UBE2K: variants seen among roughly 807,000 people sequenced by gnomAD.
UBE2K encodes the protein ubiquitin-conjugating enzyme E2 K.
In UBE2K, 6 loss-of-function variants were observed where a neutral mutation model predicts 30.0. The ratio of observed to expected loss-of-function variants is 0.20; its 90% confidence interval spans 0.11 to 0.39. UBE2K has a LOEUF of 0.39. Among genes scored for constraint, UBE2K ranks in the 10% least tolerant of loss-of-function variants. The probability of loss-of-function intolerance (pLI) is 1.00; values close to 1 mark genes in which losing one functional copy is unlikely to be tolerated. For synonymous variants in UBE2K, 86 were observed against 83.7 expected (o/e 1.03, Z -0.15); for missense variants, 61 against 241.6 (o/e 0.25, Z 4.96).
At chr4:39,771,334 A>T (rs1219323644) in intron 4 of UBE2K, 1 of 1,612,470 alleles carries the variant, frequency 6.2e-7, no homozygotes, top group East Asian at 2.2e-5. Flanking sequence ...CACAATGGTC[A>T]CGTCGCAGAA....
chr4:39,727,668 G>C (rs915574399), intron 1 of UBE2K, among the ~76,000 whole-genome samples: 1 of 151,932 alleles, frequency 6.6e-6, no homozygotes, highest in Non-Finnish European at 1.5e-5. Flanking sequence ...CCAAAGAGCT[G>C]GGATTACAGG....
At chr4:39,757,831 A>G (rs904717097) in intron 4 of UBE2K, among the ~76,000 whole-genome samples, 5 of 152,134 alleles carry the variant, frequency 3.3e-5, no homozygotes, top group East Asian at 3.9e-4. Context: ...TCCCTTTCCT[A>G]TGCTCACTCC....
chr4:39,712,894 C>T (rs895820640), intron 1 of UBE2K, among the ~76,000 whole-genome samples: 1 of 146,286 alleles, frequency 6.8e-6, no homozygotes, highest in Non-Finnish European at 1.5e-5. Context: ...GAGACGGAGT[C>T]TCGCTTTGTC....
At chr4:39,700,509 C>G (rs781774280) in intron 1 of UBE2K, among the ~76,000 whole-genome samples, 18 of 152,152 alleles carry the variant, frequency 1.2e-4, no homozygotes, top group Non-Finnish European at 2.2e-4. Context: ...TAAATATAAC[C>G]AATAAATAGC....
Position 39,737,464 on chromosome 4 carries a change from T to C in UBE2K, c.108T>C (p.Phe36=). The change falls in exon 2 of 7, where the codon TTT becomes TTC. Residue 36 remains phenylalanine (F), a synonymous_variant. Coordinates refer to ENST00000261427, the MANE Select transcript of UBE2K (RefSeq NM_005339.5). ...AAGTAGATCTTGTAGATGAGAATTT[T>C]ACAGAATTAAGAGGAGAAATAGCAG... ...QIKVDLVDEN[F]TELRGEIAGP... 6.4e-7 allele frequency: 1 copy of C among 1,574,318 alleles called. No individual in the cohort carries two copies. Among genetic ancestry groups the C allele is most frequent in the Non-Finnish European group, 8.6e-7 (1 of 1,167,782 alleles).
intron 6 of UBE2K, 71 bp downstream of exon 6, chr4:39,777,881 A>G: frequency 7.5e-7 from 1 of 1,330,320 alleles, no homozygotes; most frequent in Non-Finnish European, 9.8e-7. Flanking sequence ...CTTGGCTGAC[A>G]AAAGTGGTTT....
At chr4:39,721,808 G>A (rs993997823) in intron 1 of UBE2K, among the ~76,000 whole-genome samples, 1 of 152,138 alleles carries the variant, frequency 6.6e-6, no homozygotes, top group South Asian at 2.1e-4. Context: ...TATTCTTTTG[G>A]TTGGGCATGG....
intron 4 of UBE2K, among the ~76,000 whole-genome samples, chr4:39,769,772 T>A (rs1433774295): frequency 1.3e-5 from 2 of 150,096 alleles, no homozygotes; most frequent in Non-Finnish European, 3.0e-5. Context: ...CCTCGTTCTA[T>A]AGGACCCTTT....
rs1034823521 is a variant in UBE2K at position 39,755,084 on chromosome 4, T to C, written c.217-573T>C. The stretch of plus-strand genomic sequence containing the variant: ...GTGGGAGTTTACATTGTGCTCTGTT[T>C]AGCTATTTAATTAGATTTCTTAAAC... On this transcript the variant is annotated intron_variant, in intron 3 of 6. Transcript: ENST00000261427. Among the ~76,000 whole-genome samples the C allele has an allele frequency of 2.0e-5, 3 of 152,214 alleles. No individual in the cohort carries two copies. The East Asian group carries it at 5.8e-4, about 29-fold the overall frequency.
At position 39,779,042 on chromosome 4, in the gene UBE2K, A is replaced by ACCCCCCCCCCC. The variant is rs3839130; in HGVS notation, c.*616_*617insCCCCCCCCCCC. 6.9e-4 allele frequency: 88 copies of ACCCCCCCCCCC among 128,260 alleles called. No individual in the cohort carries two copies. The highest frequency in any genetic ancestry group is 7.9e-4 in the African/African-American group (26 of 32,900). The allele number at this position is 128,260 out of a possible 1,614,324, so 7.9% of individuals were successfully genotyped here. On this transcript the variant is annotated 3_prime_UTR_variant, in exon 7 of 7. Coordinates refer to ENST00000261427, the MANE Select transcript of UBE2K (RefSeq NM_005339.5). ...TGGGACAGTGTCTGATTCCCCCTTCACCCCCCCCACCCCCGCCTTGCCACA... is the reference window on the plus strand; with the variant it reads ...TGGGACAGTGTCTGATTCCCCCTTCACCCCCCCCCCCCCCCCCCCACCCCCGCCTTGCCACA...
intron 4 of UBE2K, among the ~76,000 whole-genome samples, chr4:39,773,293 C>G (rs1045625368): frequency 2.0e-5 from 3 of 150,868 alleles, no homozygotes; most frequent in Admixed American, 6.6e-5. Flanking sequence ...CACGGTGAAA[C>G]CCTGTTCTAC....
chr4:39,762,051 C>T (rs979417549), intron 4 of UBE2K, among the ~76,000 whole-genome samples: 7 of 151,810 alleles, frequency 4.6e-5, no homozygotes, highest in African/African-American at 1.7e-4. Flanking sequence ...TAGTGGCATG[C>T]GCCTGTAATC....
chr4:39,770,181 TTG>T, intron 4 of UBE2K: 1 of 1,608,900 alleles, frequency 6.2e-7, no homozygotes, highest in Admixed American at 1.7e-5. Context: ...AATGGCAGGC[TTG>T]TGGGCGAAGC....
chr4:39,768,740 T>G (rs1050675911), intron 4 of UBE2K, among the ~76,000 whole-genome samples: 7 of 152,326 alleles, frequency 4.6e-5, no homozygotes, highest in African/African-American at 1.2e-4. Context: ...TGTACTAATT[T>G]GTATTCCCAC....
chr4:39,760,758 C>T (rs1297944040), intron 4 of UBE2K, among the ~76,000 whole-genome samples: 1 of 151,670 alleles, frequency 6.6e-6, no homozygotes, highest in Admixed American at 6.6e-5. Context: ...TTAGCTACAG[C>T]GAGACTCCGT....
chr4:39,770,504 G>T, intron 4 of UBE2K: 3 of 1,609,546 alleles, frequency 1.9e-6, no homozygotes, highest in Non-Finnish European at 2.5e-6. Flanking sequence ...TCCCAGGCAG[G>T]GGTCCCTGGC....
At chr4:39,715,819 G>A (rs180854871) in intron 1 of UBE2K, among the ~76,000 whole-genome samples, 9 of 150,884 alleles carry the variant, frequency 6.0e-5, no homozygotes, top group African/African-American at 2.2e-4. Context: ...TCCTGCTCTG[G>A]AGGCACTGTG....
chr4:39,727,011 A>G (rs1175809473), intron 1 of UBE2K, among the ~76,000 whole-genome samples: 1 of 152,260 alleles, frequency 6.6e-6, no homozygotes, highest in Non-Finnish European at 1.5e-5. Context: ...GGACATTTTT[A>G]TGAAACCAAA....
At chr4:39,760,279 C>T (rs759790943) in intron 4 of UBE2K, among the ~76,000 whole-genome samples, 10 of 151,112 alleles carry the variant, frequency 6.6e-5, no homozygotes, top group South Asian at 2.1e-4. Flanking sequence ...CTTCAGTATG[C>T]CCTATCAGCT....
Sources: allele counts gnomAD v4.1 joint callset (sites outside exome capture counted in the v4.1 genomes callset), GRCh38; gene constraint gnomAD v4.1.1; transcripts MANE v1.5; gene names NCBI Gene and HGNC (gene_info 2026-07-23, HGNC 2026-07-21).